The following ESR1 variants were observed in gnomAD, a reference collection of about 807,000 sequenced individuals.
ESR1 encodes estrogen receptor.
A neutral mutation model predicts 52.7 loss-of-function variants in ESR1; 12 were observed. The ratio of observed to expected loss-of-function variants is 0.23; its 90% CI spans 0.15 to 0.37. The LOEUF (loss-of-function observed/expected upper bound fraction) is 0.37, where lower values mean the gene tolerates loss of function less well. ESR1 is among the 10% of genes least tolerant of loss of function. The pLI, the probability that ESR1 is intolerant of heterozygous loss-of-function variation, is 1.00. For missense variants in ESR1, 584 were observed against 779.7 expected (o/e 0.75, Z 2.99); for synonymous variants, 305 against 316.8 (o/e 0.96, Z 0.39).
At chr6:151,711,800 C>T (rs1166317210) in intron 2 of ESR1, among the ~76,000 whole-genome samples, 4 of 152,168 alleles carry the variant, frequency 2.6e-5, no homozygotes, top group Admixed American at 2.6e-4. Flanking sequence ...TGTAGGTTGC[C>T]TGTTCATGCT....
chr6:152,053,709 G>T lies in ESR1; in HGVS notation c.1236-7282G>T, dbSNP rs1412346690. 2.0e-5 allele frequency among the ~76,000 whole-genome samples: 3 copies of T among 151,238 alleles called. No individual in the cohort carries two copies. The highest frequency in any genetic ancestry group is 6.6e-5 in the Admixed American group (1 of 15,184). The stretch of plus-strand genomic sequence containing the variant: ...GCTCACTTGCTTTCCCAGTTTCAGT[G>T]ATTTCTATTCAGATATCTCCAAAAT... On this transcript the variant is annotated intron_variant, in intron 5 of 7. Coordinates refer to ENST00000206249, the MANE Select transcript of ESR1 (RefSeq NM_000125.4). This position sits in a 1 kb window ranked among gnomAD's most constrained non-coding sequence, Gnocchi z 4.1.
chr6:151,994,139 C>T (rs2041266892), intron 4 of ESR1, among the ~76,000 whole-genome samples: 1 of 152,054 alleles, frequency 6.6e-6, no homozygotes, highest in African/African-American at 2.4e-5. Context: ...ACAGAGGCAG[C>T]CAGATTAGTG....
chr6:152,058,651 C>T (rs192654811), intron 5 of ESR1, among the ~76,000 whole-genome samples: 12 of 151,184 alleles, frequency 7.9e-5, no homozygotes, highest in African/African-American at 2.9e-4. Flanking sequence ...CTTTCTAGAA[C>T]TTTTCCTGTG....
intron 2 of ESR1, among the ~76,000 whole-genome samples, chr6:151,722,514 G>A (rs1301238443): frequency 6.6e-6 from 1 of 152,222 alleles, no homozygotes; most frequent in Non-Finnish European, 1.5e-5. Flanking sequence ...AGCTGGTGCT[G>A]TTGGCGTGAA....
chr6:151,660,001 G>T (rs1226881095), intron 1 of ESR1, among the ~76,000 whole-genome samples: 1 of 152,080 alleles, frequency 6.6e-6, no homozygotes, highest in South Asian at 2.1e-4. Flanking sequence ...AGCACTTACC[G>T]TATGTCCATT....
intron 1 of ESR1, among the ~76,000 whole-genome samples, chr6:151,816,096 A>T (rs972812608): frequency 6.6e-6 from 1 of 152,204 alleles, no homozygotes; most frequent in Non-Finnish European, 1.5e-5. Flanking sequence ...GATATATTAA[A>T]TACAGTGTTT....
At chr6:151,843,628 A>G (rs1044319898) in intron 2 of ESR1, among the ~76,000 whole-genome samples, 1 of 152,086 alleles carries the variant, frequency 6.6e-6, no homozygotes, top group African/African-American at 2.4e-5. Flanking sequence ...TTTTTATCTT[A>G]AGTGTGGGGC....
intron 2 of ESR1, among the ~76,000 whole-genome samples, chr6:151,870,554 C>G (rs1790764083): frequency 6.6e-6 from 1 of 152,346 alleles, no homozygotes; most frequent in South Asian, 2.1e-4. Flanking sequence ...TTAATCATGG[C>G]TTTGCCATCT....
At position 151,944,357 on chromosome 6, in the gene ESR1, G is replaced by A. The variant is rs1472996733; in HGVS notation, c.945G>A (p.Met315Ile). The change falls in exon 4 of 8, where the codon ATG becomes ATA. Residue 315 changes from methionine (M) to isoleucine (I), a missense_variant. By Grantham distance (10) the Met-to-Ile change is conservative (BLOSUM62 1). Around this residue, in one of 6 missense-constraint regions of ESR1, gnomAD observed 88 missense variants for 88.3 expected, o/e 1.00. Transcript: ENST00000206249. Reference sequence around the variant, plus strand: ...CCTTGTCCCTGACGGCCGACCAGATGGTCAGTGCCTTGTTGGATGCTGAGC... The same window carrying A: ...CCTTGTCCCTGACGGCCGACCAGATAGTCAGTGCCTTGTTGGATGCTGAGC... ...SLALSLTADQ[M>I]VSALLDAEPP... The A allele has an allele frequency of 6.2e-7, 1 of 1,613,974 alleles. No homozygotes were observed. The highest frequency in any genetic ancestry group is 8.5e-7 in the Non-Finnish European group (1 of 1,179,940).
chr6:151,963,611 T>C (rs936467331), intron 4 of ESR1, among the ~76,000 whole-genome samples: 2 of 152,214 alleles, frequency 1.3e-5, no homozygotes, highest in Non-Finnish European at 2.9e-5. Flanking sequence ...TTGCAAATAT[T>C]TTCCCCCACT....
intron 1 of ESR1, chr6:151,813,564 A>G (rs532671618): frequency 6.6e-6 from 1 of 152,050 alleles, no homozygotes; most frequent in African/African-American, 2.4e-5. Context: ...TAATAATGAT[A>G]TTACCAATAA....
chr6:151,687,417 G>T (rs1778733117), upstream of ESR1, among the ~76,000 whole-genome samples: 1 of 152,188 alleles, frequency 6.6e-6, no homozygotes, highest in South Asian at 2.1e-4. Context: ...TTGCTAGAGT[G>T]ATAGAACTGA....
At chr6:152,119,221 A>T (rs1293789883) in intron 6 of ESR1, among the ~76,000 whole-genome samples, 2 of 152,288 alleles carry the variant, frequency 1.3e-5, no homozygotes, top group East Asian at 3.9e-4. Context: ...GCTATCAATC[A>T]ATCTACTCTA....
At chr6:151,956,839 AATAAATAT>A (rs1487279320) in intron 4 of ESR1, among the ~76,000 whole-genome samples, 129 of 114,234 alleles carry the variant, frequency 1.1e-3, no homozygotes, top group African/African-American at 2.6e-3. Flanking sequence ...TATAAATATA[AATAAATAT>A]ATATATATAT....
chr6:151,669,273 T>C (rs1265603018), intron 1 of ESR1, among the ~76,000 whole-genome samples: 1 of 65,086 alleles, frequency 1.5e-5, no homozygotes, highest in Admixed American at 2.0e-4. Flanking sequence ...GGAAAGGGGG[T>C]AGTGTTGGGG....
intron 5 of ESR1, among the ~76,000 whole-genome samples, chr6:152,057,791 A>T (rs2047223633): frequency 6.6e-6 from 1 of 151,964 alleles, no homozygotes; most frequent in Admixed American, 6.6e-5. Flanking sequence ...TACAGCTCCT[A>T]ATGTGTGCTG....
At chr6:151,822,827 G>A (rs557644825) in intron 1 of ESR1, among the ~76,000 whole-genome samples, 2 of 152,310 alleles carry the variant, frequency 1.3e-5, no homozygotes, top group South Asian at 4.1e-4. Context: ...GTAACCTAAT[G>A]TGATATCCCA....
intron 2 of ESR1, among the ~76,000 whole-genome samples, chr6:151,767,948 T>G (rs1785199173): frequency 6.6e-6 from 1 of 152,214 alleles, no homozygotes; most frequent in South Asian, 2.1e-4. Context: ...ATTAGTTATA[T>G]CATTCCTCCT....
intron 3 of ESR1, among the ~76,000 whole-genome samples, chr6:151,906,758 A>G (rs1301338028): frequency 6.7e-6 from 1 of 149,038 alleles, no homozygotes; most frequent in Non-Finnish European, 1.5e-5. Context: ...GAAAATTTTA[A>G]GTTGTGGAAT....
Sources: allele counts gnomAD v4.1 joint callset (sites outside exome capture counted in the v4.1 genomes callset), GRCh38; gene constraint gnomAD v4.1.1; regional missense constraint gnomAD v4.1.1; non-coding constraint Gnocchi (gnomAD v3.1); transcripts MANE v1.5; gene names NCBI Gene and HGNC (gene_info 2026-07-23, HGNC 2026-07-21).